CDH1: variants seen among roughly 807,000 people sequenced by gnomAD.
The protein encoded by CDH1 is cadherin-1.
In CDH1, 35 loss-of-function variants were observed where a neutral mutation model predicts 84.5. That is an observed-to-expected ratio of 0.41 (90% CI 0.32 to 0.55). The LOEUF is 0.55. Ranked by LOEUF, CDH1 falls within the 20% of genes least tolerant of loss-of-function variation. The pLI is 0.19. For missense variants in CDH1, 994 were observed against 1,126.6 expected (o/e 0.88, Z 1.68); for synonymous variants, 417 against 439.0 (o/e 0.95, Z 0.63).
intron 2 of CDH1, among the ~76,000 whole-genome samples, chr16:68,767,226 G>A (rs897715801): frequency 6.7e-6 from 1 of 150,040 alleles, no homozygotes; most frequent in African/African-American, 2.5e-5. Context: ...AGACAGTCTC[G>A]CTCTGTTGGC....
intron 2 of CDH1, among the ~76,000 whole-genome samples, chr16:68,757,967 C>CTTTT (rs58385798): frequency 3.5e-5 from 4 of 113,356 alleles, no homozygotes; most frequent in African/African-American, 1.0e-4. Flanking sequence ...CCAGGCTAAT[C>CTTTT]TTTTTTTTTT....
At position 68,833,403 on chromosome 16, in the gene CDH1, A is replaced by G. The variant is rs1555518253; in HGVS notation, c.2553A>G (p.Ser851=). 2 of 1,614,180 alleles carry G rather than the reference A, an allele frequency of 1.2e-6. No homozygotes were observed. The highest frequency in any genetic ancestry group is 1.7e-6 in the Non-Finnish European group (2 of 1,180,010). The part of the protein sequence containing the change: ...EAASLSSLNS[S]ESDKDQDYDY... ...CTAGTCTGAGCTCCCTGAACTCCTCAGAGTCAGACAAAGACCAGGACTATG... is the reference window on the plus strand; with the variant it reads ...CTAGTCTGAGCTCCCTGAACTCCTCGGAGTCAGACAAAGACCAGGACTATG... Residue 851 remains serine, a synonymous_variant, in exon 16 of 16, where the codon TCA becomes TCG. Coordinates refer to ENST00000261769, the MANE Select transcript of CDH1 (RefSeq NM_004360.5).
Position 68,834,840 on chromosome 16 carries a change from G to A in CDH1, c.*1341G>A, listed in dbSNP as rs917951856. 1.3e-5 allele frequency: 3 copies of A among 232,590 alleles called. No individual in the cohort carries two copies. 14.4% of individuals were successfully genotyped at this position (232,590 alleles called of 1,614,324 possible). A position where few individuals can be genotyped will look rare whatever the true frequency, so the allele number is the denominator to read the frequency against. On this transcript the variant is annotated 3_prime_UTR_variant, in exon 16 of 16. Transcript: ENST00000261769. ...AAGTGCTGCAGCCAAAGACAGAGCG[G>A]AACTATGAAAAGTGGGCTTGGAGAT...
chr16:68,761,868 G>A (rs1159784188), intron 2 of CDH1, among the ~76,000 whole-genome samples: 1 of 152,132 alleles, frequency 6.6e-6, no homozygotes, highest in Non-Finnish European at 1.5e-5. Flanking sequence ...TGGCAGAAGG[G>A]CAGAGGGGGT....
chr16:68,775,636 A>G (rs1226286848), intron 2 of CDH1, among the ~76,000 whole-genome samples: 1 of 152,230 alleles, frequency 6.6e-6, no homozygotes, highest in Non-Finnish European at 1.5e-5. Context: ...CTAGCCACAC[A>G]TGGGACTCAA....
At position 68,800,776 on chromosome 16, in the gene CDH1, T is replaced by A. The variant is rs891937744; in HGVS notation, c.164-894T>A. Among the ~76,000 whole-genome samples the A allele has an allele frequency of 9.3e-4, 141 of 152,226 alleles. 1 individual carries two copies. The highest frequency in any genetic ancestry group is 8.8e-5 in the Non-Finnish European group (6 of 68,044). ...ACCTCAGAAAGGCCTGCCCTCACCA[T>A]GCAATAGATGTTACATCTTCAGCAA... On this transcript the variant is annotated intron_variant, in intron 2 of 15. Coordinates refer to ENST00000261769, the MANE Select transcript of CDH1 (RefSeq NM_004360.5).
chr16:68,786,656 T>G (rs1392642046), intron 2 of CDH1, among the ~76,000 whole-genome samples: 1 of 147,410 alleles, frequency 6.8e-6, no homozygotes, highest in Non-Finnish European at 1.5e-5. Context: ...GCAGCCAGAG[T>G]AGATTCAGCA....
At chr16:68,745,467 C>T (rs551687899) in intron 2 of CDH1, among the ~76,000 whole-genome samples, 104 of 143,818 alleles carry the variant, frequency 7.2e-4, no homozygotes, top group African/African-American at 2.4e-3. Context: ...GCGTGAAGCC[C>T]GGGAGGTCGA....
chr16:68,761,581 C>G (rs140640068), intron 2 of CDH1, among the ~76,000 whole-genome samples: 2 of 152,208 alleles, frequency 1.3e-5, no homozygotes, highest in Non-Finnish European at 2.9e-5. Flanking sequence ...TAAACATAAT[C>G]AATGTGCAAA....
At chr16:68,742,306 G>A (rs1433248267) in intron 2 of CDH1, among the ~76,000 whole-genome samples, 2 of 150,036 alleles carry the variant, frequency 1.3e-5, no homozygotes, top group Non-Finnish European at 3.0e-5. Flanking sequence ...TTGAGACGGA[G>A]TCTCGCTCTG....
chr16:68,809,050 A>C, intron 5 of CDH1: 1 of 600,674 alleles, frequency 1.7e-6, no homozygotes, highest in Non-Finnish European at 3.0e-6. Flanking sequence ...TCAGGAAGAA[A>C]GGAAGGAGAA....
chr16:68,775,234 A>G (rs1344659250), intron 2 of CDH1, among the ~76,000 whole-genome samples: 2 of 152,066 alleles, frequency 1.3e-5, no homozygotes, highest in Non-Finnish European at 2.9e-5. Flanking sequence ...CATGCACTTT[A>G]TGAGCCATTT....
intron 2 of CDH1, among the ~76,000 whole-genome samples, chr16:68,773,294 CTT>C (rs750916649): frequency 3.5e-4 from 49 of 138,762 alleles, no homozygotes; most frequent in Admixed American, 4.4e-4. Flanking sequence ...AGTTATTTTC[CTT>C]TTTTTTTTTT....
intron 2 of CDH1, among the ~76,000 whole-genome samples, chr16:68,746,611 C>A (rs1386675008): frequency 6.6e-6 from 1 of 152,126 alleles, no homozygotes; most frequent in African/African-American, 2.4e-5. Flanking sequence ...TAGGCTGGTG[C>A]TTCTGCCATG....
At chr16:68,738,039 G>A (rs1005769937) in intron 1 of CDH1, among the ~76,000 whole-genome samples, 28 of 152,214 alleles carry the variant, frequency 1.8e-4, no homozygotes, top group Admixed American at 1.8e-3. Flanking sequence ...AATGAGAAAG[G>A]AGACTGAAAG....
chr16:68,831,344 C>A (rs1248328376), intron 15 of CDH1, among the ~76,000 whole-genome samples: 1 of 151,194 alleles, frequency 6.6e-6, no homozygotes, highest in Non-Finnish European at 1.5e-5. Context: ...CCTGCCTTGG[C>A]CTCCCAAAGT....
chr16:68,743,316 T>C (rs1962618724), intron 2 of CDH1, among the ~76,000 whole-genome samples: 2 of 20,744 alleles, frequency 9.6e-5, no homozygotes, highest in Non-Finnish European at 2.2e-4. Flanking sequence ...TCTTTCTTTC[T>C]TTCTTTCTTT....
chr16:68,769,108 T>C (rs370167112), intron 2 of CDH1, among the ~76,000 whole-genome samples: 4 of 152,174 alleles, frequency 2.6e-5, no homozygotes, highest in African/African-American at 4.8e-5. Flanking sequence ...CTCCCTCTCT[T>C]TGAATATGAG....
intron 2 of CDH1, among the ~76,000 whole-genome samples, chr16:68,754,030 A>G (rs1384044841): frequency 1.3e-5 from 2 of 151,216 alleles, no homozygotes; most frequent in African/African-American, 2.4e-5. Context: ...GAGGCAGGAG[A>G]ATGGCTTGAA....
Sources: gnomAD v4.1 joint callset for allele counts (sites outside exome capture counted in the v4.1 genomes callset) on GRCh38, gnomAD v4.1.1 for gene constraint, MANE v1.5 for transcripts, NCBI Gene and HGNC (gene_info 2026-07-23, HGNC 2026-07-21) for gene names.